Variants in DNASE1 observed in about 807,000 individuals in gnomAD.
DNASE1 encodes the protein deoxyribonuclease 1, also known as deoxyribonuclease-1.
DNASE1 carries 40 observed loss-of-function variants against 33.9 expected under a neutral mutation model. The observed-to-expected ratio is 1.18, with a 90% CI of 0.92 to 1.54. DNASE1 has a LOEUF of 1.54. DNASE1 is among the 40% of genes most tolerant of loss of function. DNASE1 has a pLI of 0.00. For synonymous variants in DNASE1, 216 were observed against 160.0 expected (o/e 1.35, Z -2.64); for missense variants, 518 against 372.6 (o/e 1.39, Z -3.21).
intron 4 of DNASE1, 107 bp downstream of exon 4, chr16:3,656,292 C>T: frequency 8.1e-7 from 1 of 1,234,010 alleles, no homozygotes; most frequent in Non-Finnish European, 1.2e-6. Flanking sequence ...GAACCTGAGG[C>T]TTCAGAGCAG....
At chr16:3,622,120 T>A (rs1415265423) in intron 1 of DNASE1, among the ~76,000 whole-genome samples, 1 of 148,980 alleles carries the variant, frequency 6.7e-6, no homozygotes, top group Non-Finnish European at 1.5e-5. Context: ...CTCCAGAGAC[T>A]GAGGCAGGAG....
chr16:3,661,171 C>G (rs968593206), downstream of DNASE1: 3 of 151,886 alleles, frequency 2.0e-5, no homozygotes, highest in African/African-American at 7.3e-5. Context: ...AAAAATGGTA[C>G]CAGAACCCTA....
In DNASE1 at chr16:3,657,903, C is replaced by A. The variant is rs1346397007; in HGVS notation, c.802-3C>A. ...CCCAGACCCTGTGCCCACTTGCCTG[C>A]AGGCCCAAGCCATCAGTGACCACTA... On this transcript the variant is annotated splice_region_variant and splice_polypyrimidine_tract_variant and intron_variant, in intron 8 of 8. Transcript: ENST00000246949. 1 of 1,614,016 alleles carries A rather than the reference C, an allele frequency of 6.2e-7. No individual in the cohort carries two copies. Among genetic ancestry groups the A allele is most frequent in the South Asian group, 1.1e-5 (1 of 91,080 alleles).
chr16:3,658,736 A>G, downstream of DNASE1: 1 of 1,531,618 alleles, frequency 6.5e-7, no homozygotes, highest in Non-Finnish European at 9.0e-7. Flanking sequence ...CCCTGAAGGC[A>G]GGCTGGCAGG....
chr16:3,615,019 A>C (rs780382792), intron 1 of DNASE1, among the ~76,000 whole-genome samples: 1 of 152,192 alleles, frequency 6.6e-6, no homozygotes, highest in African/African-American at 2.4e-5. Context: ...TGGTTTAGAA[A>C]AGAGAGTTTT....
At chr16:3,636,214 G>A (rs928391918) in intron 1 of DNASE1, among the ~76,000 whole-genome samples, 3 of 150,564 alleles carry the variant, frequency 2.0e-5, no homozygotes, top group Non-Finnish European at 2.9e-5. Context: ...GTATCTAATC[G>A]ATGAATCCAT....
intron 1 of DNASE1, among the ~76,000 whole-genome samples, chr16:3,633,720 C>G (rs1267266575): frequency 6.6e-6 from 1 of 152,100 alleles, no homozygotes; most frequent in Admixed American, 6.6e-5. Context: ...TGTACAAGTT[C>G]CCTCTAACAG....
chr16:3,663,615 C>T, exon 10 of DNASE1: 2 of 1,607,562 alleles, frequency 1.2e-6, no homozygotes, highest in Admixed American at 1.7e-5. Context: ...CCAGCCACCA[C>T]AGAAGAAAGG....
At chr16:3,628,588 C>T (rs1000883958) in intron 1 of DNASE1, among the ~76,000 whole-genome samples, 3 of 150,856 alleles carry the variant, frequency 2.0e-5, no homozygotes, top group Non-Finnish European at 3.0e-5. Flanking sequence ...GATGGAATCT[C>T]GCTGTGTCGC....
chr16:3,630,674 A>G (rs951211396), intron 1 of DNASE1, among the ~76,000 whole-genome samples: 2 of 151,536 alleles, frequency 1.3e-5, no homozygotes, highest in African/African-American at 4.9e-5. Context: ...TAGTGTTTGC[A>G]TGGAATATGT....
Position 3,626,769 on chromosome 16 carries a change from A to T in DNASE1, c.-1358-13946A>T, listed in dbSNP as rs567064401. ...TTCTTCATTTGTCAGTTTTTGTTTC[A>T]TTTATTTTGAATCTCTTTTGTTAGA... On this transcript the variant is annotated intron_variant and NMD_transcript_variant, in intron 1 of 11. Coordinates refer to the DNASE1 transcript ENST00000570769. 2.4e-3 allele frequency among the ~76,000 whole-genome samples: 369 copies of T among 152,178 alleles called. 1 individual carries two copies. The highest frequency in any genetic ancestry group is 4.5e-3 in the Non-Finnish European group (305 of 67,984).
At chr16:3,628,320 A>C (rs1246893541) in intron 1 of DNASE1, among the ~76,000 whole-genome samples, 1 of 152,070 alleles carries the variant, frequency 6.6e-6, no homozygotes, top group Non-Finnish European at 1.5e-5. Flanking sequence ...CTGTTATTGT[A>C]ATTATTTTTT....
At chr16:3,665,432 G>A (rs1049723441) in exon 10 of DNASE1, 3 of 154,354 alleles carry the variant, frequency 1.9e-5, no homozygotes, top group Admixed American at 1.9e-4. Flanking sequence ...TGCTATGTAA[G>A]TTGTATCTCA....
At chr16:3,612,133 GC>G (rs1317450048) in intron 1 of DNASE1, 1 of 152,570 alleles carries the variant, frequency 6.6e-6, no homozygotes, top group Non-Finnish European at 1.5e-5. Flanking sequence ...GGTGAAGCCA[GC>G]CAGGGCCTGG....
At chr16:3,658,738 G>A, downstream of DNASE1, 1 of 1,542,884 alleles carries the variant, frequency 6.5e-7, no homozygotes, top group Non-Finnish European at 8.9e-7. Flanking sequence ...CTGAAGGCAG[G>A]CTGGCAGGGC....
At chr16:3,637,014 C>T (rs2041888364) in intron 1 of DNASE1, among the ~76,000 whole-genome samples, 1 of 151,976 alleles carries the variant, frequency 6.6e-6, no homozygotes, top group African/African-American at 2.4e-5. Context: ...ATCCCAGCTA[C>T]TTGGGAGGCT....
downstream of DNASE1, chr16:3,662,454 G>T (rs144499755): frequency 4.4e-4 from 237 of 535,958 alleles, 3 homozygotes; most frequent in African/African-American, 3.6e-3. Context: ...ACCATGCATG[G>T]GACGCTCATT....
chr16:3,645,515 T>G (rs940222470), intron 1 of DNASE1, among the ~76,000 whole-genome samples: 1 of 152,212 alleles, frequency 6.6e-6, no homozygotes, highest in Non-Finnish European at 1.5e-5. Context: ...ACAAACTTCT[T>G]TTCATTTGCA....
chr16:3,655,194 C>G (rs1213350826), intron 1 of DNASE1, 150 bp downstream of exon 1: 2 of 802,218 alleles, frequency 2.5e-6, no homozygotes, highest in South Asian at 3.5e-5. Flanking sequence ...GACTCGGGGT[C>G]CTCTACGTGG....
Sources: gnomAD v4.1 joint callset for allele counts (sites outside exome capture counted in the v4.1 genomes callset) on GRCh38, gnomAD v4.1.1 for gene constraint, MANE v1.5 for transcripts, NCBI Gene and HGNC (gene_info 2026-07-23, HGNC 2026-07-21) for gene names.